The following FOCAD variants were observed in gnomAD, a reference collection of about 807,000 sequenced individuals.
The protein encoded by FOCAD is KIAA1797.
In FOCAD, 198 loss-of-function variants were observed where a neutral mutation model predicts 225.6. That is an observed-to-expected ratio of 0.88 (90% CI 0.78 to 0.99). The LOEUF (loss-of-function observed/expected upper bound fraction) is 0.99. FOCAD is among the 50% of genes least tolerant of loss of function. The probability of loss-of-function intolerance (pLI) is 0.00; values close to 1 mark genes in which losing one functional copy is unlikely to be tolerated. For synonymous variants in FOCAD, 897 were observed against 755.0 expected (o/e 1.19, Z -3.08); for missense variants, 2,713 against 2,123.6 (o/e 1.28, Z -5.46).
intron 11 of FOCAD, among the ~76,000 whole-genome samples, chr9:20,799,511 C>T (rs1821540956): frequency 6.6e-6 from 1 of 152,130 alleles, no homozygotes; most frequent in East Asian, 1.9e-4. Context: ...TAAGGTCCTG[C>T]TTTATGAATC....
chr9:20,878,124 TA>T (rs35026690), intron 19 of FOCAD, among the ~76,000 whole-genome samples: 52,481 of 149,850 alleles, frequency 0.35, 9,253 homozygotes, highest in East Asian at 0.47. Context: ...GTCATATTTG[TA>T]AAAAAAAAAA....
At chr9:20,903,220 C>T (rs1587556579) in intron 21 of FOCAD, among the ~76,000 whole-genome samples, 1 of 152,072 alleles carries the variant, frequency 6.6e-6, no homozygotes, top group Non-Finnish European at 1.5e-5. Context: ...ATCTTCACTT[C>T]ATCTAGACAA....
intron 24 of FOCAD, among the ~76,000 whole-genome samples, chr9:20,920,626 T>C (rs1395844881): frequency 1.3e-5 from 2 of 148,212 alleles, no homozygotes; most frequent in African/African-American, 5.0e-5. Context: ...TGGAATACTA[T>C]GCAGCCATAA....
chr9:20,807,015 A>G (rs1345639480), intron 11 of FOCAD, among the ~76,000 whole-genome samples: 1 of 152,228 alleles, frequency 6.6e-6, no homozygotes, highest in Non-Finnish European at 1.5e-5. Flanking sequence ...TAATTCTACA[A>G]GTATGTTTTC....
chr9:20,684,756 TC>T, intron 1 of FOCAD: 1 of 152,598 alleles, frequency 6.6e-6, no homozygotes. Context: ...GGTGACTGTC[TC>T]CTTCTCATTC....
chr9:20,902,749 T>C lies in FOCAD; in HGVS notation c.2626-4401T>C, dbSNP rs537501320. On this transcript the variant is annotated intron_variant, in intron 21 of 43. Coordinates refer to ENST00000338382, the MANE Select transcript of FOCAD (RefSeq NM_001375567.1). ...AATATTTCAGAAGTAGACTCAAGAA[T>C]TGAGTCTCAAGGCAAGGGAGATTCC... 3.9e-5 allele frequency among the ~76,000 whole-genome samples: 6 copies of C among 151,944 alleles called. No individual in the cohort carries two copies. The East Asian group carries it at 1.2e-3, about 30-fold the overall frequency.
intron 22 of FOCAD, among the ~76,000 whole-genome samples, chr9:20,911,422 A>G (rs1333787085): frequency 6.6e-6 from 1 of 152,158 alleles, no homozygotes; most frequent in African/African-American, 2.4e-5. Context: ...GAGAAGTACA[A>G]GGACATATAA....
intron 5 of FOCAD, among the ~76,000 whole-genome samples, chr9:20,755,957 G>T (rs1264145968): frequency 3.9e-5 from 6 of 152,076 alleles, no homozygotes; most frequent in South Asian, 4.1e-4. Flanking sequence ...ACTGCTACTG[G>T]CCTGTTTTGT....
intron 2 of FOCAD, among the ~76,000 whole-genome samples, chr9:20,672,261 T>C (rs1822086154): frequency 6.6e-6 from 1 of 152,198 alleles, no homozygotes; most frequent in African/African-American, 2.4e-5. Flanking sequence ...GCATACTCTG[T>C]AGAAGAAGTG....
chr9:20,717,793 G>C lies in FOCAD; in HGVS notation c.58-1G>C. ...GTTCATTAATTTTATTTCTTTTTAAGGCTGTGGGTCATCTTATTGCTGCAG... is the reference window on the plus strand; with the variant it reads ...GTTCATTAATTTTATTTCTTTTTAACGCTGTGGGTCATCTTATTGCTGCAG... On this transcript the variant is annotated splice_acceptor_variant, in intron 2 of 43. Coordinates refer to ENST00000338382, the MANE Select transcript of FOCAD (RefSeq NM_001375567.1). LOFTEE classifies it high-confidence loss of function. The C allele has an allele frequency of 6.2e-7, 1 of 1,610,186 alleles. No individual in the cohort carries two copies. The highest frequency in any genetic ancestry group is 8.5e-7 in the Non-Finnish European group (1 of 1,178,138).
At chr9:20,928,559 T>C (rs1447461839) in intron 26 of FOCAD, among the ~76,000 whole-genome samples, 1 of 152,204 alleles carries the variant, frequency 6.6e-6, no homozygotes, top group Non-Finnish European at 1.5e-5. Context: ...TTTATAAATG[T>C]ATATAACGTC....
At chr9:20,708,992 T>C (rs1563899257) in intron 1 of FOCAD, among the ~76,000 whole-genome samples, 1 of 152,200 alleles carries the variant, frequency 6.6e-6, no homozygotes, top group South Asian at 2.1e-4. Context: ...CTTTTAAGAT[T>C]GTGTCCTTTA....
intron 5 of FOCAD, 83 bp downstream of exon 5, chr9:20,740,423 ATTAG>A: frequency 1.2e-6 from 1 of 807,732 alleles, no homozygotes; most frequent in Non-Finnish European, 2.0e-6. Flanking sequence ...TCCAGTAAGA[ATTAG>A]TTATTTAATT....
intron 41 of FOCAD, among the ~76,000 whole-genome samples, chr9:20,989,001 A>G (rs959231065): frequency 6.6e-6 from 1 of 152,232 alleles, no homozygotes; most frequent in Non-Finnish European, 1.5e-5. Flanking sequence ...AAGAACCGCT[A>G]GTATTAGGTT....
Position 20,922,479 on chromosome 9 carries a change from A to G in FOCAD, c.2853-1181A>G, listed in dbSNP as rs555100049. ...TTGTTAATGGCAAGTCCTGAGTCCC[A>G]TTCTTACCAAATGAAAGCAGAAATG... On this transcript the variant is annotated intron_variant, in intron 24 of 43. Coordinates refer to ENST00000338382, the MANE Select transcript of FOCAD (RefSeq NM_001375567.1). Among the ~76,000 whole-genome samples, 266 of 152,312 alleles carry G rather than the reference A, an allele frequency of 1.7e-3. 3 individuals are homozygous for G. Among genetic ancestry groups the G allele is most frequent in the African/African-American group, 6.1e-3 (255 of 41,572 alleles).
intron 21 of FOCAD, among the ~76,000 whole-genome samples, chr9:20,902,859 T>A (rs189011547): frequency 1.3e-5 from 2 of 151,454 alleles, no homozygotes; most frequent in Admixed American, 1.3e-4. Context: ...ACAGGAAGAG[T>A]GGGTTTCGAA....
At chr9:20,955,909 A>G (rs959959355) in intron 35 of FOCAD, among the ~76,000 whole-genome samples, 1 of 149,002 alleles carries the variant, frequency 6.7e-6, no homozygotes, top group Admixed American at 6.9e-5. Flanking sequence ...CTAATATTAG[A>G]TATTTCTATG....
intron 24 of FOCAD, among the ~76,000 whole-genome samples, chr9:20,917,342 G>A (rs778803833): frequency 3.3e-5 from 5 of 151,860 alleles, no homozygotes; most frequent in African/African-American, 1.2e-4. Flanking sequence ...ATTGGGTTCC[G>A]CATATCTAAA....
chr9:20,732,007 A>C (rs184289231), intron 4 of FOCAD, among the ~76,000 whole-genome samples: 326 of 152,332 alleles, frequency 2.1e-3, no homozygotes, highest in Middle Eastern at 6.8e-3. Context: ...TGTGTTACAT[A>C]GGTAAACATG....
Sources: gnomAD v4.1 joint callset for allele counts (sites outside exome capture counted in the v4.1 genomes callset) on GRCh38, gnomAD v4.1.1 for gene constraint, MANE v1.5 for transcripts, NCBI Gene and HGNC (gene_info 2026-07-23, HGNC 2026-07-21) for gene names.